KCNMB2: variants seen among roughly 807,000 people sequenced by gnomAD.
KCNMB2 encodes the protein potassium calcium-activated channel subfamily M regulatory beta subunit 2, also known as calcium-activated potassium channel subunit beta-2.
KCNMB2 carries 9 observed loss-of-function variants against 24.5 expected under a neutral mutation model. The ratio of observed to expected loss-of-function variants is 0.37; its 90% CI spans 0.22 to 0.64. The LOEUF (loss-of-function observed/expected upper bound fraction) is 0.64. KCNMB2 is among the 30% of genes least tolerant of loss of function. KCNMB2 has a pLI of 0.63. For synonymous variants in KCNMB2, 109 were observed against 104.4 expected, an observed-to-expected ratio of 1.04 and a Z score of -0.27; for missense variants, 226 against 284.3, an observed-to-expected ratio of 0.79 and a Z score of 1.47.
At chr3:178,655,088 A>AGC (rs1336781268) in intron 1 of KCNMB2, among the ~76,000 whole-genome samples, 7 of 91,834 alleles carry the variant, frequency 7.6e-5, no homozygotes, top group African/African-American at 2.9e-4. Flanking sequence ...AGTAAATATT[A>AGC]GCTCTCCCTC....
At chr3:178,783,207 GT>G (rs1234701889) in intron 1 of KCNMB2, among the ~76,000 whole-genome samples, 1 of 152,140 alleles carries the variant, frequency 6.6e-6, no homozygotes, top group Non-Finnish European at 1.5e-5. Flanking sequence ...TTGTGGTATA[GT>G]TTGAAGTCAG....
At chr3:178,825,505 G>C in intron 2 of KCNMB2, 83 bp from the exon 3 acceptor site, 2 of 1,190,718 alleles carry the variant, frequency 1.7e-6, no homozygotes, top group Non-Finnish European at 2.4e-6. Context: ...GCCCTAGGAA[G>C]GCATGGGCAG....
chr3:178,568,754 TAGATGATAGATAGATAGATGATA>T lies in KCNMB2; in HGVS notation c.-68+32044_-68+32066del, dbSNP rs1352136767. Reference sequence around the variant, plus strand: ...AGAAATCTTTAAGATGATAGATAGATAGATGATAGATAGATAGATGATAGATAGATAGATAGATAGATAGATAG... The same window carrying T: ...AGAAATCTTTAAGATGATAGATAGATGATAGATAGATAGATAGATAGATAG... On this transcript the variant is annotated intron_variant, in intron 1 of 4. Coordinates refer to ENST00000452583, the MANE Select transcript of KCNMB2 (RefSeq NM_181361.3). 8.2e-4 allele frequency among the ~76,000 whole-genome samples: 115 copies of T among 140,276 alleles called. 1 individual carries two copies. Among genetic ancestry groups the T allele is most frequent in the African/African-American group, 2.8e-3 (106 of 37,536 alleles). The allele number at this position is 140,276 out of a possible 152,430, so 92.0% of individuals were successfully genotyped here. A position where few individuals can be genotyped will look rare whatever the true frequency, so the allele number is the denominator to read the frequency against.
chr3:178,833,156 CCTAT>C (rs1715104483), intron 4 of KCNMB2, among the ~76,000 whole-genome samples: 1 of 152,114 alleles, frequency 6.6e-6, no homozygotes, highest in Admixed American at 6.6e-5. Context: ...CCTATGAGGA[CCTAT>C]CTATTTCAGG....
intron 1 of KCNMB2, among the ~76,000 whole-genome samples, chr3:178,624,825 G>C (rs1333296784): frequency 6.6e-6 from 1 of 151,978 alleles, no homozygotes; most frequent in Non-Finnish European, 1.5e-5. Context: ...AGGTGTGGGT[G>C]AGTGGGCAGC....
rs533207733 is a variant in KCNMB2 at position 178,734,241 on chromosome 3, A to C, written c.-67-73102A>C. ...ACAATATTTTTTACTAATTTTGTGC[A>C]TGAAACAAAGCTTATGTTAGTACCT... On this transcript the variant is annotated intron_variant, in intron 1 of 4. Coordinates refer to ENST00000452583, the MANE Select transcript of KCNMB2 (RefSeq NM_181361.3). Among the ~76,000 whole-genome samples, 6 of 152,364 alleles carry C rather than the reference A, an allele frequency of 3.9e-5. No individual in the cohort carries two copies. The East Asian group carries it at 1.2e-3, about 29-fold the overall frequency.
chr3:178,595,050 C>G (rs1002593689), intron 1 of KCNMB2, among the ~76,000 whole-genome samples: 1 of 57,402 alleles, frequency 1.7e-5, no homozygotes, highest in African/African-American at 6.2e-5. Flanking sequence ...GTGGCATATA[C>G]AGTATTTGCA....
At chr3:178,598,450 T>C (rs1717957232) in intron 1 of KCNMB2, among the ~76,000 whole-genome samples, 1 of 151,922 alleles carries the variant, frequency 6.6e-6, no homozygotes, top group Non-Finnish European at 1.5e-5. Context: ...ATTTATGTAC[T>C]CATTCTGGTA....
chr3:178,544,690 T>C (rs968160208), intron 1 of KCNMB2, among the ~76,000 whole-genome samples: 22 of 152,166 alleles, frequency 1.4e-4, no homozygotes, highest in African/African-American at 5.3e-4. Context: ...GGTGTTTTCC[T>C]GAGTGTAAAA....
At chr3:178,719,053 C>T (rs1722712607) in intron 1 of KCNMB2, among the ~76,000 whole-genome samples, 1 of 152,224 alleles carries the variant, frequency 6.6e-6, no homozygotes. Flanking sequence ...GTGACTTTTT[C>T]AGAAGCATCA....
chr3:178,740,722 C>T (rs985693696), intron 1 of KCNMB2, among the ~76,000 whole-genome samples: 4 of 152,172 alleles, frequency 2.6e-5, no homozygotes, highest in African/African-American at 9.7e-5. Context: ...CTTTCTGCTT[C>T]GGTGGGAGAA....
chr3:178,633,828 A>C (rs1719417461), intron 1 of KCNMB2, among the ~76,000 whole-genome samples: 1 of 152,208 alleles, frequency 6.6e-6, no homozygotes, highest in Admixed American at 6.5e-5. Flanking sequence ...CAAATTTTTC[A>C]AATTTTTATG....
chr3:178,648,529 CAG>C lies in KCNMB2; in HGVS notation c.-68+111821_-68+111822del, dbSNP rs564584265. 5.3e-5 allele frequency among the ~76,000 whole-genome samples: 8 copies of C among 152,298 alleles called. No homozygotes were observed. In the South Asian group the frequency reaches 1.7e-3, roughly 32 times the overall value. ...TTTACCCCAGTCTGAACTACAGAGT[CAG>C]AGTCTGTCTCTTAAAAACAAAACAA... On this transcript the variant is annotated intron_variant, in intron 1 of 4. Transcript: ENST00000452583.
chr3:178,759,341 GAGGAT>G (rs1711577455), intron 1 of KCNMB2, among the ~76,000 whole-genome samples: 1 of 61,410 alleles, frequency 1.6e-5, no homozygotes, highest in Non-Finnish European at 2.9e-5. Flanking sequence ...ATATCTCCAA[GAGGAT>G]ATATATATAT....
chr3:178,793,573 G>A (rs956632524), intron 1 of KCNMB2, among the ~76,000 whole-genome samples: 1 of 151,418 alleles, frequency 6.6e-6, no homozygotes, highest in Non-Finnish European at 1.5e-5. Context: ...AGCCAGCCCA[G>A]TCTCTGTTGT....
intron 1 of KCNMB2, among the ~76,000 whole-genome samples, chr3:178,802,829 C>T (rs1318462905): frequency 6.7e-6 from 1 of 148,806 alleles, no homozygotes; most frequent in Admixed American, 6.7e-5. Flanking sequence ...TTTTATCACC[C>T]TATGTCTCAG....
chr3:178,612,842 AG>A (rs1242812287), intron 1 of KCNMB2, among the ~76,000 whole-genome samples: 1 of 151,824 alleles, frequency 6.6e-6, no homozygotes, highest in African/African-American at 2.4e-5. Context: ...GTTTTCCTCT[AG>A]TGAAGGTGAT....
intron 2 of KCNMB2, among the ~76,000 whole-genome samples, chr3:178,808,269 T>C (rs1205901051): frequency 6.6e-6 from 1 of 152,242 alleles, no homozygotes; most frequent in Non-Finnish European, 1.5e-5. Flanking sequence ...TTAGTCTTCC[T>C]CTTTCTCATT....
chr3:178,737,086 G>A (rs559822778), intron 1 of KCNMB2, among the ~76,000 whole-genome samples: 8 of 152,118 alleles, frequency 5.3e-5, no homozygotes, highest in Non-Finnish European at 8.8e-5. Flanking sequence ...CCCGCCCAAC[G>A]TAGTGAAACC....
Sources: allele counts gnomAD v4.1 joint callset (sites outside exome capture counted in the v4.1 genomes callset), GRCh38; gene constraint gnomAD v4.1.1; transcripts MANE v1.5; gene names NCBI Gene and HGNC (gene_info 2026-07-23, HGNC 2026-07-21).